Variants in TNK2 observed in about 807,000 individuals in gnomAD.
TNK2 encodes the protein activated CDC42 kinase 1.
Under a neutral mutation model 101.8 loss-of-function variants are expected in TNK2, and 83 were observed. The observed-to-expected ratio is 0.82, with a 90% CI of 0.68 to 0.98. TNK2 has a LOEUF of 0.98. TNK2 is among the 50% of genes least tolerant of loss of function. The pLI is 0.00. For synonymous variants in TNK2, 804 were observed against 633.0 expected (o/e 1.27, Z -4.06); for missense variants, 1,665 against 1,483.2 (o/e 1.12, Z -2.01).
intron 1 of TNK2, among the ~76,000 whole-genome samples, chr3:195,902,803 G>A (rs1045719536): frequency 2.0e-5 from 3 of 152,000 alleles, no homozygotes; most frequent in African/African-American, 4.8e-5. Flanking sequence ...AGACTGGAGT[G>A]CAGTGGCGCA....
chr3:195,872,968 G>A (rs1283740671), intron 9 of TNK2, among the ~76,000 whole-genome samples: 2 of 152,158 alleles, frequency 1.3e-5, no homozygotes, highest in South Asian at 2.1e-4. Flanking sequence ...GGGACACCTA[G>A]GGCCTTGCAC....
chr3:195,896,007 C>A, intron 1 of TNK2: 1 of 382,652 alleles, frequency 2.6e-6, no homozygotes, highest in Non-Finnish European at 5.1e-6. Flanking sequence ...TCCCCGCGCG[C>A]CACTCCCGCA....
At position 195,882,866 on chromosome 3, in the gene TNK2, T is replaced by C. The variant is rs1468193354; in HGVS notation, c.609+291A>G. Among the ~76,000 whole-genome samples the C allele has an allele frequency of 6.6e-6, 1 of 151,994 alleles. No individual in the cohort carries two copies. Among genetic ancestry groups the C allele is most frequent in the African/African-American group, 2.4e-5 (1 of 41,386 alleles). ...AAGTGAGACTCCATCTCAAAATAAA[T>C]AGATAAATAAAACATAAATTCCCCA... On this transcript the variant is annotated intron_variant, in intron 5 of 15. Transcript: ENST00000672887. The surrounding 1 kb of genome is among the most constrained non-coding windows in gnomAD (Gnocchi z 4.2).
chr3:195,872,235 G>C lies in TNK2; in HGVS notation c.1451+41C>G, dbSNP rs748305336. The C allele has an allele frequency of 6.8e-6, 11 of 1,608,486 alleles. No homozygotes were observed. The South Asian group carries it at 1.1e-4, about 16-fold the overall frequency. On this transcript the variant is annotated intron_variant, in intron 10 of 15. Coordinates refer to ENST00000672887, the MANE Select transcript of TNK2 (RefSeq NM_001382273.1). ...GCCGTGCTGAGGGCCCTGGAGTCCC[G>C]AGCGGGGCCAGGTCAGCATCCATCC...
rs771222194 is a variant in TNK2, at chr3:195,879,166, G to A, written c.897C>T (p.Pro299=). 43 of 1,613,028 alleles carry A rather than the reference G, an allele frequency of 2.7e-5. No homozygotes were observed. In the Middle Eastern group the frequency reaches 8.2e-4, roughly 31 times the overall value. ...AGAAGGTGCGTGTCTTCAGGCTCTC[G>A]GGGGCACACCTGGCAGAGGCAGGGG... The part of the protein sequence containing the change: ...HRKVPFAWCA[P]ESLKTRTFSH... The change falls in exon 7 of 16, where the codon CCC becomes CCT. Residue 299 remains proline, a synonymous_variant. Transcript: ENST00000672887.
intron 1 of TNK2, chr3:195,895,194 C>T (rs1420364509): frequency 6.9e-7 from 1 of 1,445,256 alleles, no homozygotes; most frequent in South Asian, 1.5e-5. Flanking sequence ...TCACAGCAGA[C>T]GAAGGGGTCT....
At chr3:195,876,197 T>A (rs1214210480) in intron 9 of TNK2, among the ~76,000 whole-genome samples, 4 of 152,212 alleles carry the variant, frequency 2.6e-5, no homozygotes, top group Admixed American at 1.3e-4. Flanking sequence ...AGTCATCATT[T>A]GTGTCTCCAA....
At chr3:195,866,868 C>G (rs372297621) in intron 15 of TNK2, 21 bp downstream of exon 15, 6 of 1,607,008 alleles carry the variant, frequency 3.7e-6, no homozygotes, top group Non-Finnish European at 5.1e-6. Flanking sequence ...CGGAGCGGGG[C>G]AGACTGTGGG....
intron 2 of TNK2, 120 bp from the exon 3 acceptor site, chr3:195,887,167 T>C: frequency 2.1e-6 from 2 of 958,390 alleles, no homozygotes; most frequent in Non-Finnish European, 3.2e-6. Context: ...ATGATAGCAA[T>C]GAAATCAACC....
rs371483691 is a variant in TNK2, at chr3:195,868,425, G to T, written c.1873C>A (p.Arg625=). 5 of 1,570,692 alleles carry T rather than the reference G, an allele frequency of 3.2e-6. No individual in the cohort carries two copies. The highest frequency in any genetic ancestry group is 4.3e-6 in the Non-Finnish European group (5 of 1,166,222). Residue 625 remains arginine, a synonymous_variant, in exon 13 of 16, where the codon CGG becomes AGG. Coordinates refer to ENST00000672887, the MANE Select transcript of TNK2 (RefSeq NM_001382273.1). ...LDETPPQSPT[R]ALPRPLHPTP... Reference sequence around the variant, plus strand: ...GGGTGCAGGGGCCGGGGCAGTGCCCGCGTGGGGCTCTGAGGCGGGGTCTCG... The same window carrying T: ...GGGTGCAGGGGCCGGGGCAGTGCCCTCGTGGGGCTCTGAGGCGGGGTCTCG...
rs1256907498 is a variant in TNK2, at chr3:195,867,775, C to A, written c.2523G>T (p.Lys841Asn). The A allele has an allele frequency of 1.9e-6, 3 of 1,582,708 alleles. No individual in the cohort carries two copies. In the East Asian group the frequency reaches 6.7e-5, roughly 36 times the overall value. ...PTTQSFASDP[K>N]YATPQVIQAP... ...CCTGGATCACCTGGGGGGTGGCGTA[C>A]TTGGGGTCTGAGGCAAAGCTCTGGG... The change falls in exon 13 of 16, where the codon AAG (lysine) becomes AAT (asparagine). Residue 841 changes from lysine (K) to asparagine (N), a missense_variant. Coordinates refer to ENST00000672887, the MANE Select transcript of TNK2 (RefSeq NM_001382273.1).
intron 2 of TNK2, among the ~76,000 whole-genome samples, chr3:195,887,797 G>A (rs1048817214): frequency 3.3e-5 from 5 of 151,756 alleles, no homozygotes; most frequent in African/African-American, 1.2e-4. Context: ...GTGTACATGT[G>A]TGTATGCCGT....
At position 195,884,796 on chromosome 3, in the gene TNK2, G is replaced by T; in HGVS notation, c.456+16C>A. 6.3e-7 allele frequency: 1 copy of T among 1,599,120 alleles called. No homozygotes were observed. The highest frequency in any genetic ancestry group is 8.5e-7 in the Non-Finnish European group (1 of 1,173,774). ...TCCCATGCCTCTGCTGCGCTGGCAGGACACAGAGAGCTCACCGTCTTCCCT... is the reference window on the plus strand; with the variant it reads ...TCCCATGCCTCTGCTGCGCTGGCAGTACACAGAGAGCTCACCGTCTTCCCT... On this transcript the variant is annotated intron_variant, in intron 4 of 15. Transcript: ENST00000672887.
intron 9 of TNK2, among the ~76,000 whole-genome samples, chr3:195,877,964 G>A (rs1210471804): frequency 1.3e-5 from 2 of 152,104 alleles, no homozygotes; most frequent in Non-Finnish European, 2.9e-5. Context: ...GAACTCTGCT[G>A]CCACCGAGGC....
At chr3:195,873,541 G>A (rs1015126667) in intron 9 of TNK2, among the ~76,000 whole-genome samples, 5 of 152,200 alleles carry the variant, frequency 3.3e-5, no homozygotes, top group African/African-American at 4.8e-5. Context: ...TGGGCACGCG[G>A]GGGCGGTGAC....
intron 4 of TNK2, 122 bp from the exon 5 acceptor site, chr3:195,883,431 G>A (rs1168310540): frequency 8.2e-7 from 1 of 1,212,296 alleles, no homozygotes; most frequent in African/African-American, 1.5e-5. Flanking sequence ...ATCTGGGTGG[G>A]TAAGCATGTC....
In TNK2 at chr3:195,867,347, G is replaced by C; in HGVS notation, c.2937+14C>G. On this transcript the variant is annotated intron_variant, in intron 13 of 15. Coordinates refer to ENST00000672887, the MANE Select transcript of TNK2 (RefSeq NM_001382273.1). Reference sequence around the variant, plus strand: ...CCCTGCCCCGCTTCGCCCACAGCCAGGCTGGGTGCTCACCATCTGGATCTT... The same window carrying C: ...CCCTGCCCCGCTTCGCCCACAGCCACGCTGGGTGCTCACCATCTGGATCTT... 6.2e-7 allele frequency: 1 copy of C among 1,608,268 alleles called. No individual in the cohort carries two copies. Among genetic ancestry groups the C allele is most frequent in the South Asian group, 1.1e-5 (1 of 90,504 alleles).
In TNK2 at chr3:195,878,964, G is replaced by C. The variant is rs573577520; in HGVS notation, c.1014+85C>G. 2.2e-5 allele frequency: 34 copies of C among 1,569,496 alleles called. No homozygotes were observed. The highest frequency in any genetic ancestry group is 2.9e-5 in the Non-Finnish European group (34 of 1,159,322). On this transcript the variant is annotated intron_variant, in intron 7 of 15. Coordinates refer to ENST00000672887, the MANE Select transcript of TNK2 (RefSeq NM_001382273.1). This position sits in a 1 kb window ranked among gnomAD's most constrained non-coding sequence, Gnocchi z 4.7. ...GTGGGAGGAGGGAGTCCATTGGTGA[G>C]AGGCAGTTCCAGCAGGGCCAGGCTG... is the stretch of plus-strand genomic sequence containing the variant.
chr3:195,886,526 G>C lies in TNK2; in HGVS notation c.234+451C>G, dbSNP rs543469447. Among the ~76,000 whole-genome samples the C allele has an allele frequency of 5.5e-4, 84 of 152,206 alleles. 1 individual carries two copies. The highest frequency in any genetic ancestry group is 2.0e-3 in the African/African-American group (81 of 41,528). On this transcript the variant is annotated intron_variant, in intron 3 of 15. Coordinates refer to ENST00000672887, the MANE Select transcript of TNK2 (RefSeq NM_001382273.1). This position sits in a 1 kb window ranked among gnomAD's most constrained non-coding sequence, Gnocchi z 4.2. ...TGGGGAGAGGTGGGGACAGGCTGTG[G>C]GGAAGGAAGCTGTCAGCAGGGACAG...
Sources: gnomAD v4.1 joint callset for allele counts (sites outside exome capture counted in the v4.1 genomes callset) on GRCh38, gnomAD v4.1.1 for gene constraint, Gnocchi (gnomAD v3.1) non-coding constraint, MANE v1.5 for transcripts, NCBI Gene and HGNC (gene_info 2026-07-23, HGNC 2026-07-21) for gene names.